RSRP1: variants seen among roughly 807,000 people sequenced by gnomAD.
RSRP1 encodes the protein arginine/serine-rich protein 1.
In RSRP1, 37 loss-of-function variants were observed where a neutral mutation model predicts 33.0. The observed-to-expected ratio is 1.12, with a 90% CI of 0.86 to 1.48. The LOEUF is 1.48. RSRP1 is among the 40% of genes most tolerant of loss of function. The pLI is 0.00. For missense variants in RSRP1, 402 were observed against 385.3 expected, an observed-to-expected ratio of 1.04 and a Z score of -0.36; for synonymous variants, 167 against 158.7, an observed-to-expected ratio of 1.05 and a Z score of -0.40.
chr1:25,249,037 T>C (rs1256431994), upstream of RSRP1, among the ~76,000 whole-genome samples: 1 of 152,120 alleles, frequency 6.6e-6, no homozygotes, highest in Admixed American at 6.5e-5. Context: ...TAATCCCAGC[T>C]ACTCGGGAGG....
chr1:25,244,452 A>G, intron 3 of RSRP1: 1 of 1,289,426 alleles, frequency 7.8e-7, no homozygotes, highest in Non-Finnish European at 1.0e-6. Flanking sequence ...TGTATCAATT[A>G]CCAACAGATT....
rs745656704 is a variant in RSRP1 at position 25,247,014 on chromosome 1, C to G, written c.-51G>C. ...TTTCTCCGGAAAGGATCCCGCAAGC[C>G]TCAACTCAGGACTTCCTAAAAAACC... On this transcript the variant is annotated 5_prime_UTR_variant, in exon 2 of 5. Transcript: ENST00000243189. 2 of 1,498,176 alleles carry G rather than the reference C, an allele frequency of 1.3e-6. No individual in the cohort carries two copies. The highest frequency in any genetic ancestry group is 2.6e-5 in the South Asian group (2 of 76,026). The allele number at this position is 1,498,176 out of a possible 1,614,324, so 92.8% of individuals were successfully genotyped here.
At chr1:25,260,127 T>C (rs910090761) in intron 1 of RSRP1, among the ~76,000 whole-genome samples, 25 of 152,190 alleles carry the variant, frequency 1.6e-4, no homozygotes, top group Non-Finnish European at 2.1e-4. Context: ...ATGAACTCCA[T>C]TGCTTAAGAA....
rs548026783 is a variant in RSRP1 at position 25,282,690 on chromosome 1, G to A, written c.-66-35661C>T. 7.1e-4 allele frequency among the ~76,000 whole-genome samples: 94 copies of A among 131,582 alleles called. 14 individuals carry two copies. In the South Asian group the frequency reaches 0.02, roughly 28 times the overall value. The allele number at this position is 131,582 out of a possible 152,430, so 86.3% of individuals were successfully genotyped here. ...CTGTAATCCCAGCACTTTGGGAGAC[G>A]GAGGTGGGTGGATTACATGAGGTCA... On this transcript the variant is annotated intron_variant, in intron 1 of 1. Transcript: ENST00000561867.
Position 25,244,146 on chromosome 1 carries a change from TC to T in RSRP1, c.673-514del. The T allele has an allele frequency of 2.3e-6, 3 of 1,287,744 alleles. 1 individual carries two copies. The South Asian group carries it at 3.7e-5, about 16-fold the overall frequency. 79.8% of individuals were successfully genotyped at this position (1,287,744 alleles called of 1,614,324 possible). ...GTACAGTGCAATTTGCTAATGCACATCCTGCACATTTCTGGAGAATTATAAT... is the reference window on the plus strand; with the variant it reads ...GTACAGTGCAATTTGCTAATGCACATCTGCACATTTCTGGAGAATTATAAT... On this transcript the variant is annotated intron_variant, in intron 3 of 4. Coordinates refer to ENST00000243189, the MANE Select transcript of RSRP1 (RefSeq NM_020317.5).
intron 1 of RSRP1, among the ~76,000 whole-genome samples, chr1:25,313,720 T>C (rs1405239987): frequency 7.6e-6 from 1 of 131,092 alleles, no homozygotes; most frequent in Admixed American, 7.4e-5. Flanking sequence ...AAAAGAGTGG[T>C]GGGAGAGTAA....
rs956507331 is a variant in RSRP1 at position 25,284,213 on chromosome 1, C to A, written c.-66-37184G>T. 3.7e-4 allele frequency among the ~76,000 whole-genome samples: 51 copies of A among 136,262 alleles called. 10 individuals carry two copies. Among genetic ancestry groups the A allele is most frequent in the African/African-American group, 9.5e-4 (38 of 39,866 alleles). 89.4% of individuals were successfully genotyped at this position (136,262 alleles called of 152,430 possible). ...TCATATGCAATAACAGCAGCAATGA[C>A]CTTTACTGAGTGTCCATGTGCGTCA... On this transcript the variant is annotated intron_variant, in intron 1 of 1. Coordinates refer to the RSRP1 transcript ENST00000561867.
Position 25,246,981 on chromosome 1 carries a change from G to C in RSRP1, c.-18C>G, listed in dbSNP as rs1169718981. On this transcript the variant is annotated 5_prime_UTR_variant, in exon 2 of 5. Transcript: ENST00000243189. ...TTGGACATCTTCACCTGCGGCTTTA[G>C]CCTGCGCTTTCTCCGGAAAGGATCC... 1 of 1,539,136 alleles carries C rather than the reference G, an allele frequency of 6.5e-7. No homozygotes were observed. Among genetic ancestry groups the C allele is most frequent in the South Asian group, 1.2e-5 (1 of 82,806 alleles).
intron 1 of RSRP1, among the ~76,000 whole-genome samples, chr1:25,271,122 A>G (rs1456674966): frequency 7.6e-6 from 1 of 131,672 alleles, no homozygotes; most frequent in Non-Finnish European, 1.8e-5. Flanking sequence ...TTCTTAACCA[A>G]CCCCCTGCTA....
Position 25,308,831 on chromosome 1 carries a change from C to T in RSRP1, c.-67+29147G>A, listed in dbSNP as rs1220697434. Among the ~76,000 whole-genome samples the T allele has an allele frequency of 2.3e-5, 3 of 130,388 alleles. 1 individual carries two copies. The highest frequency in any genetic ancestry group is 5.4e-5 in the Non-Finnish European group (3 of 55,320). 85.5% of individuals were successfully genotyped at this position (130,388 alleles called of 152,430 possible). On this transcript the variant is annotated intron_variant, in intron 1 of 1. Coordinates refer to the RSRP1 transcript ENST00000561867. The stretch of plus-strand genomic sequence containing the variant: ...TCTTTGGTTTGCTGAGAGTAAAAGG[C>T]GTGGGCTTCACCAGTGGTGAAGCCA...
intron 1 of RSRP1, among the ~76,000 whole-genome samples, chr1:25,311,286 C>A (rs1644131932): frequency 7.6e-6 from 1 of 130,830 alleles, no homozygotes; most frequent in Admixed American, 7.4e-5. Flanking sequence ...GTAGGTCAGC[C>A]ATGTTGTAGG....
At position 25,270,221 on chromosome 1, in the gene RSRP1, C is replaced by T. The variant is rs1428105557; in HGVS notation, c.-66-23192G>A. ...CCTCTGGGGATTGGGGTACCCTCCC[C>T]CTTAATTGCTGTTGGGGTAGCAGAG... On this transcript the variant is annotated intron_variant, in intron 1 of 1. Coordinates refer to the RSRP1 transcript ENST00000561867. Among the ~76,000 whole-genome samples the T allele has an allele frequency of 2.3e-5, 3 of 131,070 alleles. 1 individual carries two copies. Among genetic ancestry groups the T allele is most frequent in the Non-Finnish European group, 5.4e-5 (3 of 55,382 alleles). The allele number at this position is 131,070 out of a possible 152,430, so 86.0% of individuals were successfully genotyped here. A position where few individuals can be genotyped will look rare whatever the true frequency, so the allele number is the denominator to read the frequency against.
chr1:25,277,061 C>T (rs1212799203), intron 1 of RSRP1, among the ~76,000 whole-genome samples: 1 of 130,932 alleles, frequency 7.6e-6, no homozygotes, highest in African/African-American at 2.6e-5. Context: ...AGCGAGACTC[C>T]GTCTAAAAAA....
At chr1:25,301,943 TCA>T (rs1226575204) in intron 1 of RSRP1, among the ~76,000 whole-genome samples, 2 of 130,416 alleles carry the variant, frequency 1.5e-5, no homozygotes, top group African/African-American at 5.3e-5. Context: ...GAAACAGACC[TCA>T]GTTTGAACCC....
chr1:25,312,698 T>C (rs1644211003), intron 1 of RSRP1, among the ~76,000 whole-genome samples: 1 of 126,970 alleles, frequency 7.9e-6, no homozygotes, highest in African/African-American at 2.7e-5. Flanking sequence ...TGCAGTGAGC[T>C]ATGGTCGTGC....
rs540528863 is a variant in RSRP1 at position 25,253,056 on chromosome 1, A to G, written c.-66-6027T>C. The stretch of plus-strand genomic sequence containing the variant: ...TAACCATTCCTTGTGTTCAAGTCCA[A>G]TTGAGTTCAAATTTAATATTTAACT... On this transcript the variant is annotated intron_variant, in intron 1 of 1. Transcript: ENST00000561867. 16 of 151,288 alleles carry G rather than the reference A, an allele frequency of 1.1e-4. No homozygotes were observed. The East Asian group carries it at 1.8e-3, about 17-fold the overall frequency. 9.4% of individuals were successfully genotyped at this position (151,288 alleles called of 1,614,324 possible).
At chr1:25,243,249 ACT>A (rs1227212180) in intron 4 of RSRP1, among the ~76,000 whole-genome samples, 2 of 152,092 alleles carry the variant, frequency 1.3e-5, no homozygotes, top group Non-Finnish European at 2.9e-5. Context: ...CGTTTTTGAA[ACT>A]CTTATTTTAA....
chr1:25,312,920 TAAAAAAAAAAA>T (rs58027687), intron 1 of RSRP1, among the ~76,000 whole-genome samples: 461 of 6,852 alleles, frequency 0.067, 26 homozygotes, highest in African/African-American at 0.13. Flanking sequence ...ATCCCATCTC[TAAAAAAAAAAA>T]AAAAAAAAAA....
chr1:25,283,014 T>C (rs1641638224), intron 1 of RSRP1, among the ~76,000 whole-genome samples: 1 of 133,120 alleles, frequency 7.5e-6, no homozygotes, highest in South Asian at 2.3e-4. Context: ...TCAAGATCTC[T>C]CTCTCTCCAG....
Sources: allele counts gnomAD v4.1 joint callset (sites outside exome capture counted in the v4.1 genomes callset), GRCh38; gene constraint gnomAD v4.1.1; transcripts MANE v1.5; gene names NCBI Gene and HGNC (gene_info 2026-07-23, HGNC 2026-07-21).